The following CEMIP variants were observed in gnomAD, a reference collection of about 807,000 sequenced individuals.
The protein encoded by CEMIP is cell migration-inducing and hyaluronan-binding protein.
CEMIP carries 105 observed loss-of-function variants against 156.9 expected under a neutral mutation model. That is an observed-to-expected ratio of 0.67 (90% CI 0.57 to 0.79). The LOEUF (loss-of-function observed/expected upper bound fraction) is 0.79, where lower values mean the gene tolerates loss of function less well. Ranked by LOEUF, CEMIP falls within the 30% of genes least tolerant of loss-of-function variation. The pLI is 0.00. For missense variants in CEMIP, 1,457 were observed against 1,769.4 expected (o/e 0.82, Z 3.17); for synonymous variants, 676 against 668.4 (o/e 1.01, Z -0.17).
chr15:80,944,879 G>A (rs960364013), intron 28 of CEMIP, among the ~76,000 whole-genome samples: 1 of 152,186 alleles, frequency 6.6e-6, no homozygotes, highest in Non-Finnish European at 1.5e-5. Context: ...ACCAGCCCGA[G>A]CAGCAGCACC....
At chr15:80,837,144 G>A (rs568773051) in intron 1 of CEMIP, among the ~76,000 whole-genome samples, 1 of 152,326 alleles carries the variant, frequency 6.6e-6, no homozygotes, top group East Asian at 1.9e-4. Flanking sequence ...AGAAGATGAG[G>A]TTGCTAAAAC....
chr15:80,946,882 A>C (rs563564061), intron 28 of CEMIP, 83 bp from the exon 29 acceptor site: 2 of 896,698 alleles, frequency 2.2e-6, no homozygotes, highest in East Asian at 5.1e-5. Context: ...CAGTCCCACC[A>C]TGCACAAACC....
rs771809287 is a variant in CEMIP, at chr15:80,906,672, T to C, written c.1421T>C (p.Met474Thr). 1.9e-6 allele frequency: 3 copies of C among 1,613,288 alleles called. No individual in the cohort carries two copies. Among genetic ancestry groups the C allele is most frequent in the South Asian group, 2.2e-5 (2 of 91,032 alleles). ...TCCCTTTCTGCCCTAGGGAAACCAA[T>C]GTACCTGCACATCGGGGAGGAGATA... The part of the protein sequence containing the change: ...PNQVKVAGKP[M>T]YLHIGEEIDG... Residue 474 changes from methionine to threonine, a missense_variant, in exon 13 of 30, where the codon ATG (methionine) becomes ACG (threonine). Around this residue, in one of 5 missense-constraint regions of CEMIP, gnomAD observed 280 missense variants for 300.3 expected, o/e 0.93. Coordinates refer to ENST00000394685, the MANE Select transcript of CEMIP (RefSeq NM_001293298.2). This position sits in a 1 kb window ranked among gnomAD's most constrained non-coding sequence, Gnocchi z 4.3.
intron 1 of CEMIP, among the ~76,000 whole-genome samples, chr15:80,869,051 GCTT>G (rs772087753): frequency 9.9e-5 from 15 of 152,120 alleles, no homozygotes; most frequent in Non-Finnish European, 2.9e-5. Context: ...AGGAGGGTTG[GCTT>G]CTTCTGAAGC....
At chr15:80,880,594 C>A (rs574285407) in intron 5 of CEMIP, among the ~76,000 whole-genome samples, 2 of 152,286 alleles carry the variant, frequency 1.3e-5, no homozygotes, top group East Asian at 3.9e-4. Flanking sequence ...TTCCACCACG[C>A]CTGGCTGATT....
intron 16 of CEMIP, 150 bp downstream of exon 16, chr15:80,921,251 A>G: frequency 1.3e-6 from 1 of 766,786 alleles, no homozygotes; most frequent in Non-Finnish European, 2.2e-6. Context: ...GAGGAAAACG[A>G]CAGACTGGGG....
chr15:80,860,405 A>T (rs1324956226), intron 1 of CEMIP, among the ~76,000 whole-genome samples: 1 of 152,226 alleles, frequency 6.6e-6, no homozygotes, highest in Non-Finnish European at 1.5e-5. Flanking sequence ...GACAGTTGTA[A>T]GTCGGGCCCA....
chr15:80,792,686 G>A (rs1157535184), intron 1 of CEMIP, among the ~76,000 whole-genome samples: 1 of 152,164 alleles, frequency 6.6e-6, no homozygotes, highest in African/African-American at 2.4e-5. Flanking sequence ...TGACTTTGGG[G>A]GAATTTACAA....
At chr15:80,911,539 A>G (rs1377247692) in intron 14 of CEMIP, among the ~76,000 whole-genome samples, 1 of 152,022 alleles carries the variant, frequency 6.6e-6, no homozygotes, top group Non-Finnish European at 1.5e-5. Context: ...ACACACACAC[A>G]CACACACACA....
intron 1 of CEMIP, among the ~76,000 whole-genome samples, chr15:80,859,014 A>C (rs1395921): frequency 6.6e-6 from 1 of 152,194 alleles, no homozygotes; most frequent in African/African-American, 2.4e-5. Context: ...GGGTGGCCCC[A>C]GCAACTCCAG....
intron 29 of CEMIP, 96 bp from the exon 30 acceptor site, chr15:80,948,701 G>C: frequency 1.3e-6 from 2 of 1,532,404 alleles, no homozygotes; most frequent in Non-Finnish European, 1.8e-6. Flanking sequence ...GGTACCTGGT[G>C]GGCGTGGGGG....
chr15:80,836,145 C>T (rs1897266172), intron 1 of CEMIP, among the ~76,000 whole-genome samples: 1 of 145,016 alleles, frequency 6.9e-6, no homozygotes, highest in South Asian at 2.2e-4. Flanking sequence ...TGGAAAATTT[C>T]TCCACCCTAT....
chr15:80,892,990 C>T (rs1899084728), intron 10 of CEMIP, among the ~76,000 whole-genome samples: 1 of 152,114 alleles, frequency 6.6e-6, no homozygotes, highest in African/African-American at 2.4e-5. Flanking sequence ...AGTTCGAGAC[C>T]AGCCTGGCCA....
rs1137414 is a variant in CEMIP at position 80,926,919 on chromosome 15, T to C, written c.2420+1164T>C. Among the ~76,000 whole-genome samples the C allele has an allele frequency of 8.1e-3, 1,227 of 150,736 alleles. 16 individuals carry two copies. The highest frequency in any genetic ancestry group is 0.027 in the Middle Eastern group (8 of 294). On this transcript the variant is annotated intron_variant, in intron 19 of 29. Coordinates refer to ENST00000394685, the MANE Select transcript of CEMIP (RefSeq NM_001293298.2). ...AAACTCAGCACACTGCAACCTCTGC[T>C]TCCTGGGTTCAAGCAATTCTCCTGC...
intron 1 of CEMIP, among the ~76,000 whole-genome samples, chr15:80,819,835 A>T (rs2141650274): frequency 6.6e-6 from 1 of 152,304 alleles, no homozygotes; most frequent in East Asian, 1.9e-4. Context: ...GGGTCTCAAT[A>T]ACCCTATTTT....
chr15:80,837,372 C>T (rs1005455457), intron 1 of CEMIP, among the ~76,000 whole-genome samples: 1 of 152,074 alleles, frequency 6.6e-6, no homozygotes, highest in African/African-American at 2.4e-5. Flanking sequence ...AGAGGGTTTC[C>T]CAGGCTCCTT....
At position 80,942,934 on chromosome 15, in the gene CEMIP, T is replaced by C. The variant is rs775286967; in HGVS notation, c.3700-11T>C. The C allele has an allele frequency of 2.5e-6, 4 of 1,614,206 alleles. No individual in the cohort carries two copies. Among genetic ancestry groups the C allele is most frequent in the Non-Finnish European group, 3.4e-6 (4 of 1,180,034 alleles). ...ACCCTGCCTCACACCTGGATTGCTC[T>C]GGCTCTGTAGGTGGATGGGAAGAAG... On this transcript the variant is annotated splice_polypyrimidine_tract_variant and intron_variant, in intron 27 of 29. Coordinates refer to ENST00000394685, the MANE Select transcript of CEMIP (RefSeq NM_001293298.2).
chr15:80,873,147 G>T (rs1386283591), intron 1 of CEMIP, among the ~76,000 whole-genome samples: 1 of 152,174 alleles, frequency 6.6e-6, no homozygotes, highest in East Asian at 1.9e-4. Flanking sequence ...CTAATGCAAG[G>T]GAGACTGAGG....
chr15:80,917,817 TTCC>T (rs763698938), intron 14 of CEMIP, among the ~76,000 whole-genome samples: 7 of 152,220 alleles, frequency 4.6e-5, no homozygotes, highest in Non-Finnish European at 5.9e-5. Context: ...GAGTCTCGTT[TTCC>T]TCGTCTCTAA....
Sources: gnomAD v4.1 joint callset for allele counts (sites outside exome capture counted in the v4.1 genomes callset) on GRCh38, gnomAD v4.1.1 for gene constraint, gnomAD v4.1.1 regional missense constraint, Gnocchi (gnomAD v3.1) non-coding constraint, MANE v1.5 for transcripts, NCBI Gene and HGNC (gene_info 2026-07-23, HGNC 2026-07-21) for gene names.